Variants in PLSCR2 observed in about 807,000 individuals in gnomAD.
The protein encoded by PLSCR2 is PL scramblase 2.
PLSCR2 carries 18 observed loss-of-function variants against 25.3 expected under a neutral mutation model. The observed-to-expected ratio is 0.71, with a 90% confidence interval of 0.49 to 1.06. PLSCR2 has a LOEUF of 1.06. Among genes scored for constraint, PLSCR2 ranks in the 50% least tolerant of loss-of-function variants. The pLI is 0.00. For synonymous variants in PLSCR2, 88 were observed against 87.3 expected (o/e 1.01, Z -0.04); for missense variants, 243 against 269.5 (o/e 0.90, Z 0.69).
At chr3:146,462,415 G>C (rs2041635184), upstream of PLSCR2, among the ~76,000 whole-genome samples, 1 of 151,396 alleles carries the variant, frequency 6.6e-6, no homozygotes, top group East Asian at 1.9e-4. Context: ...AGAAATTGTT[G>C]GTCAGCCCAC....
At chr3:146,467,816 G>A (rs1480684353) in intron 1 of PLSCR2, among the ~76,000 whole-genome samples, 1 of 152,130 alleles carries the variant, frequency 6.6e-6, no homozygotes, top group Non-Finnish European at 1.5e-5. Context: ...GATGTATGAG[G>A]GGCGTGGTAG....
Position 146,414,940 on chromosome 3 carries a change from C to G in PLSCR2, c.101-19019G>C, listed in dbSNP as rs1358079933. ...CTGCAGCCAGTATTTTTTCCTTTCC[C>G]ATGAGAAGACTATTGCTGCATTTAC... On this transcript the variant is annotated intron_variant and NMD_transcript_variant, in intron 2 of 3. Coordinates refer to the PLSCR2 transcript ENST00000463633. Among the ~76,000 whole-genome samples the G allele has an allele frequency of 5.3e-5, 8 of 152,248 alleles. No homozygotes were observed. The East Asian group carries it at 1.5e-3, about 29-fold the overall frequency.
chr3:146,459,007 A>G (rs2108397880), intron 2 of PLSCR2, among the ~76,000 whole-genome samples: 1 of 152,294 alleles, frequency 6.6e-6, no homozygotes, highest in Non-Finnish European at 1.5e-5. Context: ...CATTTACTGA[A>G]AACTCATTGA....
At chr3:146,425,147 A>C (rs1313031154) in intron 2 of PLSCR2, among the ~76,000 whole-genome samples, 1 of 152,124 alleles carries the variant, frequency 6.6e-6, no homozygotes, top group Admixed American at 6.6e-5. Flanking sequence ...AAGACGTTAA[A>C]TATGTTGCAC....
chr3:146,417,031 C>T (rs1272431166), intron 2 of PLSCR2, among the ~76,000 whole-genome samples: 1 of 152,146 alleles, frequency 6.6e-6, no homozygotes, highest in Non-Finnish European at 1.5e-5. Flanking sequence ...CAAGATAAAT[C>T]ATCTTAAAAT....
intron 1 of PLSCR2, among the ~76,000 whole-genome samples, chr3:146,475,894 A>G (rs1482330966): frequency 1.3e-5 from 2 of 152,130 alleles, no homozygotes; most frequent in African/African-American, 2.4e-5. Flanking sequence ...CTGTACGTGC[A>G]CATTTCCTTC....
rs369842587 is a variant in PLSCR2 at position 146,454,214 on chromosome 3, T to C, written c.322-51A>G. 5.5e-6 allele frequency: 7 copies of C among 1,265,776 alleles called. No individual in the cohort carries two copies. In the East Asian group the frequency reaches 1.3e-4, roughly 23 times the overall value. 78.4% of individuals were successfully genotyped at this position (1,265,776 alleles called of 1,614,324 possible). On this transcript the variant is annotated intron_variant, in intron 4 of 6. Coordinates refer to ENST00000610787, the Ensembl canonical transcript of PLSCR2. Reference sequence around the variant, plus strand: ...GTAATAAATCATCATAATAAAAATATCTAATAATAGCTCTAATTTACTGAG... The same window carrying C: ...GTAATAAATCATCATAATAAAAATACCTAATAATAGCTCTAATTTACTGAG...
chr3:146,412,822 C>A (rs1275408748), intron 2 of PLSCR2, among the ~76,000 whole-genome samples: 1 of 151,954 alleles, frequency 6.6e-6, no homozygotes, highest in African/African-American at 2.4e-5. Flanking sequence ...TTAAAGAAAG[C>A]AAGGGTACGA....
At chr3:146,430,519 C>T (rs1020457135), downstream of PLSCR2, among the ~76,000 whole-genome samples, 9 of 152,148 alleles carry the variant, frequency 5.9e-5, no homozygotes, top group Non-Finnish European at 1.2e-4. Context: ...TTAAATCATT[C>T]TGTCCTTAAA....
chr3:146,470,450 CA>C (rs2042073220), intron 1 of PLSCR2, among the ~76,000 whole-genome samples: 1 of 151,942 alleles, frequency 6.6e-6, no homozygotes, highest in Non-Finnish European at 1.5e-5. Context: ...GAGGCTGAGG[CA>C]GGAGAAAAAT....
At chr3:146,396,406 C>G (rs370609982) in intron 2 of PLSCR2, among the ~76,000 whole-genome samples, 1 of 152,058 alleles carries the variant, frequency 6.6e-6, no homozygotes, top group African/African-American at 2.4e-5. Flanking sequence ...AAGAGATACT[C>G]ATGTAAATAT....
intron 1 of PLSCR2, among the ~76,000 whole-genome samples, chr3:146,472,213 C>T (rs1215234113): frequency 3.9e-5 from 6 of 152,066 alleles, no homozygotes; most frequent in Non-Finnish European, 8.8e-5. Context: ...ATATTTTGTA[C>T]GAGAAATAGG....
intron 4 of PLSCR2, among the ~76,000 whole-genome samples, 162 bp from the exon 5 acceptor site, chr3:146,454,325 C>T (rs11926182): frequency 0.08 from 12,159 of 152,024 alleles, 612 homozygotes; most frequent in African/African-American, 0.13. Flanking sequence ...TTTTAATGTG[C>T]TAGTCAAATT....
chr3:146,484,658 T>C (rs929430913), intron 1 of PLSCR2, among the ~76,000 whole-genome samples: 13 of 152,092 alleles, frequency 8.5e-5, no homozygotes, highest in Non-Finnish European at 1.2e-4. Context: ...AGAAAAGAAT[T>C]TCCAACACAG....
At chr3:146,419,039 G>A (rs776166936) in intron 2 of PLSCR2, among the ~76,000 whole-genome samples, 27 of 151,988 alleles carry the variant, frequency 1.8e-4, no homozygotes, top group Admixed American at 8.5e-4. Flanking sequence ...TGTGCAATCT[G>A]GATAAGATGA....
chr3:146,402,020 C>A (rs1345582031), intron 2 of PLSCR2, among the ~76,000 whole-genome samples: 4 of 151,762 alleles, frequency 2.6e-5, no homozygotes, highest in Non-Finnish European at 5.9e-5. Flanking sequence ...CTTTTGCAAG[C>A]AAATAAGAAT....
rs186268907 is a variant in PLSCR2 at position 146,417,452 on chromosome 3, A to G, written c.101-21531T>C. On this transcript the variant is annotated intron_variant and NMD_transcript_variant, in intron 2 of 3. Coordinates refer to the PLSCR2 transcript ENST00000463633. ...TGCCAAAAACAAGAGTAAATTTTAAATAGCAGGTTTGCATTCCAAAGATAT... is the reference window on the plus strand; with the variant it reads ...TGCCAAAAACAAGAGTAAATTTTAAGTAGCAGGTTTGCATTCCAAAGATAT... Among the ~76,000 whole-genome samples, 3 of 152,326 alleles carry G rather than the reference A, an allele frequency of 2.0e-5. No homozygotes were observed. In the East Asian group the frequency reaches 5.8e-4, roughly 29 times the overall value.
intron 2 of PLSCR2, among the ~76,000 whole-genome samples, chr3:146,404,823 G>T (rs867925793): frequency 7.4e-6 from 1 of 134,910 alleles, no homozygotes; most frequent in East Asian, 2.3e-4. Context: ...AAAAAAAAAG[G>T]GGGGGGGTGG....
upstream of PLSCR2, among the ~76,000 whole-genome samples, chr3:146,461,206 A>G (rs2041552799): frequency 6.6e-6 from 1 of 152,216 alleles, no homozygotes; most frequent in Non-Finnish European, 1.5e-5. Flanking sequence ...ATGTTCCTCA[A>G]TATTTTAAAT....
Sources: allele counts gnomAD v4.1 joint callset (sites outside exome capture counted in the v4.1 genomes callset), GRCh38; gene constraint gnomAD v4.1.1; transcripts MANE v1.5; gene names NCBI Gene and HGNC (gene_info 2026-07-23, HGNC 2026-07-21).